GRB14: variants seen among roughly 807,000 people sequenced by gnomAD.
The protein encoded by GRB14 is growth factor receptor bound protein 14.
GRB14 carries 38 observed loss-of-function variants against 69.1 expected under a neutral mutation model. That is an observed-to-expected ratio of 0.55 (90% confidence interval 0.42 to 0.72). GRB14 has a LOEUF of 0.72. GRB14 is among the 30% of genes least tolerant of loss of function. The pLI is 0.00. For synonymous variants in GRB14, 247 were observed against 241.3 expected (o/e 1.02, Z -0.22); for missense variants, 666 against 666.1 (o/e 1.00, Z 0.00).
chr2:164,590,223 T>C (rs563212507), intron 2 of GRB14, among the ~76,000 whole-genome samples: 1 of 152,340 alleles, frequency 6.6e-6, no homozygotes, highest in African/African-American at 2.4e-5. Context: ...ACTTTCTTCA[T>C]ATATTCTCTA....
chr2:164,522,223 A>G (rs2105282986), intron 5 of GRB14, 106 bp from the exon 6 acceptor site: 1 of 679,466 alleles, frequency 1.5e-6, no homozygotes, highest in Non-Finnish European at 2.6e-6. Context: ...AAATCACACA[A>G]GATCATAACA....
chr2:164,538,144 G>T (rs1405803460), intron 3 of GRB14, among the ~76,000 whole-genome samples: 1 of 152,136 alleles, frequency 6.6e-6, no homozygotes, highest in Non-Finnish European at 1.5e-5. Flanking sequence ...AAAGCCTCCA[G>T]TCATTCATTT....
chr2:164,561,911 G>A (rs1313041691), intron 2 of GRB14, among the ~76,000 whole-genome samples: 2 of 152,068 alleles, frequency 1.3e-5, no homozygotes, highest in Admixed American at 1.3e-4. Flanking sequence ...GCTAGATAAA[G>A]GTAATGAAAA....
intron 3 of GRB14, among the ~76,000 whole-genome samples, chr2:164,529,390 C>T (rs1687864694): frequency 1.3e-5 from 2 of 152,148 alleles, no homozygotes; most frequent in South Asian, 4.1e-4. Context: ...CTGAACTGTA[C>T]ACATACAAAA....
At chr2:164,589,639 A>C (rs540612949) in intron 2 of GRB14, among the ~76,000 whole-genome samples, 12 of 152,186 alleles carry the variant, frequency 7.9e-5, no homozygotes, top group African/African-American at 2.6e-4. Flanking sequence ...CAAGAAGGGC[A>C]TTAATCTATT....
At chr2:164,493,232 G>A (rs750423771) in intron 13 of GRB14, 50 bp from the exon 14 acceptor site, 7 of 1,546,178 alleles carry the variant, frequency 4.5e-6, no homozygotes, top group Non-Finnish European at 5.3e-6. Context: ...TTACACAGAA[G>A]GACAATCATA....
chr2:164,546,634 C>T (rs1046923843), intron 3 of GRB14, among the ~76,000 whole-genome samples: 15 of 152,230 alleles, frequency 9.9e-5, no homozygotes, highest in Middle Eastern at 3.2e-3. Context: ...ACTGTGTTTA[C>T]ACCAGAAAAA....
At chr2:164,611,188 A>C (rs1038267525) in intron 2 of GRB14, among the ~76,000 whole-genome samples, 3 of 152,212 alleles carry the variant, frequency 2.0e-5, no homozygotes, top group African/African-American at 7.2e-5. Flanking sequence ...TGTGGATTTC[A>C]TTCTAAGGTA....
intron 2 of GRB14, among the ~76,000 whole-genome samples, chr2:164,615,880 C>A (rs1690278353): frequency 1.3e-5 from 2 of 152,134 alleles, no homozygotes; most frequent in Admixed American, 1.3e-4. Context: ...ATAAAGATTT[C>A]TAACTCTTTG....
At chr2:164,607,333 T>G (rs1690064506) in intron 2 of GRB14, among the ~76,000 whole-genome samples, 1 of 152,214 alleles carries the variant, frequency 6.6e-6, no homozygotes, top group Admixed American at 6.5e-5. Flanking sequence ...TGTGAAGTGC[T>G]AGGCATAATT....
chr2:164,529,430 C>A (rs938251900), intron 3 of GRB14, among the ~76,000 whole-genome samples: 1 of 152,164 alleles, frequency 6.6e-6, no homozygotes, highest in Non-Finnish European at 1.5e-5. Context: ...ACTTTTTAAA[C>A]TTAAAAACGA....
intron 6 of GRB14, among the ~76,000 whole-genome samples, chr2:164,516,585 T>C (rs939065380): frequency 8.5e-5 from 13 of 152,062 alleles, no homozygotes; most frequent in African/African-American, 3.1e-4. Context: ...TTTAGTCTCC[T>C]TAAACAAAAT....
At chr2:164,578,457 T>C (rs1368517917) in intron 2 of GRB14, among the ~76,000 whole-genome samples, 1 of 137,578 alleles carries the variant, frequency 7.3e-6, no homozygotes, top group African/African-American at 2.7e-5. Context: ...TCTTTAAAAA[T>C]GAAAAGTTTA....
At chr2:164,544,236 T>A (rs1337044607) in intron 3 of GRB14, among the ~76,000 whole-genome samples, 1 of 152,172 alleles carries the variant, frequency 6.6e-6, no homozygotes, top group Non-Finnish European at 1.5e-5. Context: ...TCAAATTAAT[T>A]CCCAGTGTTC....
chr2:164,505,349 T>C (rs1687161655), intron 8 of GRB14, among the ~76,000 whole-genome samples: 1 of 152,216 alleles, frequency 6.6e-6, no homozygotes, highest in African/African-American at 2.4e-5. Flanking sequence ...GATGTGCATT[T>C]CGAAATTTAA....
chr2:164,507,200 T>C (rs375107944), intron 8 of GRB14, among the ~76,000 whole-genome samples: 16 of 152,148 alleles, frequency 1.1e-4, no homozygotes, highest in African/African-American at 3.6e-4. Context: ...TACCCTGATA[T>C]CTCTTAAGTT....
At chr2:164,507,659 ACGGG>A (rs1356565464) in intron 8 of GRB14, among the ~76,000 whole-genome samples, 4 of 152,194 alleles carry the variant, frequency 2.6e-5, no homozygotes, top group Admixed American at 6.5e-5. Context: ...ACTAATGTGG[ACGGG>A]CACTTTCCCT....
chr2:164,616,456 T>C (rs914545405), intron 2 of GRB14, among the ~76,000 whole-genome samples: 13 of 146,370 alleles, frequency 8.9e-5, no homozygotes, highest in Middle Eastern at 3.6e-3. Context: ...AAAAAGAATA[T>C]GGATTCTCTC....
chr2:164,521,890 G>A, intron 6 of GRB14, 90 bp downstream of exon 6: 1 of 1,161,952 alleles, frequency 8.6e-7, no homozygotes, highest in South Asian at 1.4e-5. Context: ...TTGACATCAA[G>A]TAATAAAGTA....
Sources: allele counts gnomAD v4.1 joint callset (sites outside exome capture counted in the v4.1 genomes callset), GRCh38; gene constraint gnomAD v4.1.1; transcripts MANE v1.5; gene names NCBI Gene and HGNC (gene_info 2026-07-23, HGNC 2026-07-21).